EYS: variants seen among roughly 807,000 people sequenced by gnomAD.
EYS encodes the protein protein eyes shut homolog.
In EYS, 250 loss-of-function variants were observed where a neutral mutation model predicts 282.1. The observed-to-expected ratio is 0.89, with a 90% CI of 0.80 to 0.98. The LOEUF is 0.98. Ranked by LOEUF, EYS falls within the 50% of genes least tolerant of loss-of-function variation. The pLI is 0.00. For missense variants in EYS, 4,016 were observed against 3,709.0 expected (o/e 1.08, Z -2.15); for synonymous variants, 1,355 against 1,282.9 (o/e 1.06, Z -1.20).
intron 26 of EYS, among the ~76,000 whole-genome samples, chr6:64,585,692 T>A (rs1015997119): frequency 2.0e-5 from 3 of 152,072 alleles, no homozygotes; most frequent in Non-Finnish European, 2.9e-5. Context: ...CTATTTCCTT[T>A]TATCAGCATT....
At chr6:65,572,976 A>T (rs780040173) in intron 2 of EYS, among the ~76,000 whole-genome samples, 3 of 152,154 alleles carry the variant, frequency 2.0e-5, no homozygotes, top group Non-Finnish European at 4.4e-5. Flanking sequence ...ATTTACTTCA[A>T]TGGGCTGAGG....
At chr6:65,610,287 T>A (rs354390) in intron 2 of EYS, among the ~76,000 whole-genome samples, 8,423 of 152,048 alleles carry the variant, frequency 0.055, 483 homozygotes, top group East Asian at 0.16. Flanking sequence ...CCCCCTTTTT[T>A]AACTATTCTT....
intron 22 of EYS, among the ~76,000 whole-genome samples, chr6:64,669,709 T>C (rs1312596013): frequency 6.6e-6 from 1 of 152,216 alleles, no homozygotes. Flanking sequence ...GTTCTTAAAA[T>C]GACATTTTCT....
chr6:64,310,361 A>G (rs1184040347), intron 29 of EYS, among the ~76,000 whole-genome samples: 1 of 152,238 alleles, frequency 6.6e-6, no homozygotes, highest in Non-Finnish European at 1.5e-5. Flanking sequence ...GATTGGATAA[A>G]GAAAATGTAC....
chr6:64,091,770 C>A (rs1192187075), intron 31 of EYS, among the ~76,000 whole-genome samples: 1 of 151,934 alleles, frequency 6.6e-6, no homozygotes. Context: ...TTTAATTATA[C>A]TTTAAGTTTT....
chr6:64,493,907 A>G (rs566772895), intron 26 of EYS, among the ~76,000 whole-genome samples: 3 of 151,560 alleles, frequency 2.0e-5, no homozygotes, highest in South Asian at 4.2e-4. Context: ...CTTCTCCCCA[A>G]TACATGGGTC....
chr6:65,346,324 C>T (rs1265720010), intron 9 of EYS, among the ~76,000 whole-genome samples: 1 of 147,292 alleles, frequency 6.8e-6, no homozygotes, highest in African/African-American at 2.5e-5. Context: ...AAAACTGAGA[C>T]ACTAGGCAAA....
At position 64,170,155 on chromosome 6, in the gene EYS, C is replaced by T. The variant is rs148803181; in HGVS notation, c.6424+60437G>A. 4.6e-5 allele frequency among the ~76,000 whole-genome samples: 7 copies of T among 152,108 alleles called. No homozygotes were observed. The South Asian group carries it at 6.2e-4, about 14-fold the overall frequency. On this transcript the variant is annotated intron_variant, in intron 31 of 42. Coordinates refer to ENST00000503581, the MANE Select transcript of EYS (RefSeq NM_001142800.2). ...TTAAACTTCACTAGGTTTGCTTTTC[C>T]GCATTGTCCCACTCTCAAAAAAGAA...
chr6:65,280,496 C>T (rs1768186463), intron 12 of EYS, among the ~76,000 whole-genome samples: 2 of 152,048 alleles, frequency 1.3e-5, no homozygotes, highest in African/African-American at 4.8e-5. Context: ...ACATAGAATG[C>T]TAGTTTCAAG....
intron 37 of EYS, among the ~76,000 whole-genome samples, chr6:63,802,343 T>C (rs1000753169): frequency 2.6e-5 from 4 of 152,102 alleles, no homozygotes; most frequent in African/African-American, 9.7e-5. Context: ...AAATACCTAA[T>C]GCATGCGGGG....
chr6:64,163,909 T>G (rs1261005044), intron 31 of EYS, among the ~76,000 whole-genome samples: 3 of 152,234 alleles, frequency 2.0e-5, no homozygotes, highest in African/African-American at 7.2e-5. Context: ...TGAACTAGTT[T>G]ATAAGATGCT....
intron 22 of EYS, among the ~76,000 whole-genome samples, chr6:64,779,402 A>G (rs1773787383): frequency 6.6e-6 from 1 of 152,016 alleles, no homozygotes; most frequent in Admixed American, 6.6e-5. Flanking sequence ...AAGTCTATAT[A>G]CTGTATGATT....
chr6:64,617,007 G>A (rs921461739), intron 24 of EYS, among the ~76,000 whole-genome samples: 1 of 152,020 alleles, frequency 6.6e-6, no homozygotes, highest in Non-Finnish European at 1.5e-5. Flanking sequence ...AAGCAGATCC[G>A]TCCTCCTCGG....
intron 31 of EYS, among the ~76,000 whole-genome samples, chr6:64,134,733 G>A (rs1774102511): frequency 6.6e-6 from 1 of 151,996 alleles, no homozygotes; most frequent in African/African-American, 2.4e-5. Context: ...AGTAAAGATC[G>A]AGATTCAGCC....
intron 12 of EYS, among the ~76,000 whole-genome samples, chr6:65,174,865 CAG>C (rs1438350283): frequency 6.6e-6 from 1 of 151,130 alleles, no homozygotes; most frequent in Non-Finnish European, 1.5e-5. Flanking sequence ...TAAATATTAA[CAG>C]AAATTTTGGC....
At chr6:64,289,183 A>G (rs1311766719) in intron 30 of EYS, among the ~76,000 whole-genome samples, 2 of 151,950 alleles carry the variant, frequency 1.3e-5, no homozygotes, top group African/African-American at 2.4e-5. Flanking sequence ...ACAACACCAA[A>G]CATGGCAATA....
At chr6:64,059,521 C>T (rs1430817712) in intron 33 of EYS, among the ~76,000 whole-genome samples, 2 of 152,130 alleles carry the variant, frequency 1.3e-5, no homozygotes, top group Admixed American at 6.6e-5. Context: ...GACTGAGATG[C>T]TCCACCTTAT....
At chr6:64,128,562 G>A (rs1376061790) in intron 31 of EYS, among the ~76,000 whole-genome samples, 1 of 152,006 alleles carries the variant, frequency 6.6e-6, no homozygotes, top group Non-Finnish European at 1.5e-5. Flanking sequence ...AAATGTAAGG[G>A]CTGTCAACAT....
At chr6:65,628,492 G>C (rs559928683) in intron 2 of EYS, among the ~76,000 whole-genome samples, 2 of 152,186 alleles carry the variant, frequency 1.3e-5, no homozygotes, top group African/African-American at 4.8e-5. Flanking sequence ...TGGAAGCTTT[G>C]TTCTTTCGCT....
Sources: allele counts gnomAD v4.1 joint callset (sites outside exome capture counted in the v4.1 genomes callset), GRCh38; gene constraint gnomAD v4.1.1; transcripts MANE v1.5; gene names NCBI Gene and HGNC (gene_info 2026-07-23, HGNC 2026-07-21).